Variants in EYS observed in about 807,000 individuals in gnomAD.
EYS encodes EGF-like photoreceptor maintenance factor.
EYS carries 250 observed loss-of-function variants against 282.1 expected under a neutral mutation model. The ratio of observed to expected loss-of-function variants is 0.89; its 90% CI spans 0.80 to 0.98. The LOEUF (loss-of-function observed/expected upper bound fraction) is 0.98, where lower values mean the gene tolerates loss of function less well. Ranked by LOEUF, EYS falls within the 50% of genes least tolerant of loss-of-function variation. EYS has a pLI of 0.00. For synonymous variants in EYS, 1,355 were observed against 1,282.9 expected (o/e 1.06, Z -1.20); for missense variants, 4,016 against 3,709.0 (o/e 1.08, Z -2.15).
At chr6:65,427,310 AAATT>A (rs1423587406) in intron 5 of EYS, among the ~76,000 whole-genome samples, 12 of 152,144 alleles carry the variant, frequency 7.9e-5, no homozygotes, top group East Asian at 5.8e-4. Context: ...ATCAAGTTGA[AAATT>A]AATTGAGATG....
chr6:64,054,696 A>G (rs571701285), intron 33 of EYS, among the ~76,000 whole-genome samples: 5 of 152,286 alleles, frequency 3.3e-5, no homozygotes, highest in African/African-American at 1.2e-4. Flanking sequence ...AATTAGTTAT[A>G]GTTGAATGAC....
chr6:64,261,904 G>A (rs1175004445), intron 30 of EYS, among the ~76,000 whole-genome samples: 1 of 151,678 alleles, frequency 6.6e-6, no homozygotes, highest in East Asian at 2.0e-4. Flanking sequence ...CTACAGGTGT[G>A]CACCACACGC....
chr6:64,943,573 A>C (rs925052138), intron 15 of EYS, among the ~76,000 whole-genome samples: 4 of 152,018 alleles, frequency 2.6e-5, no homozygotes, highest in Non-Finnish European at 5.9e-5. Context: ...ACAATATGAA[A>C]TCTCATTTAC....
chr6:64,582,032 C>A (rs190266707), intron 26 of EYS, among the ~76,000 whole-genome samples: 109 of 152,246 alleles, frequency 7.2e-4, no homozygotes, highest in African/African-American at 2.6e-3. Context: ...TTACCCATAT[C>A]GTTATATCAG....
intron 5 of EYS, among the ~76,000 whole-genome samples, chr6:65,452,025 T>C (rs1250276915): frequency 6.6e-6 from 1 of 151,756 alleles, no homozygotes; most frequent in African/African-American, 2.4e-5. Context: ...TTACTAATCT[T>C]AATTTTTAAT....
intron 22 of EYS, among the ~76,000 whole-genome samples, chr6:64,752,382 A>G (rs1056353459): frequency 2.0e-5 from 3 of 152,134 alleles, no homozygotes; most frequent in African/African-American, 7.2e-5. Context: ...AGCCTTAACA[A>G]CAGACTAGAC....
chr6:64,239,663 C>T (rs1766731050), intron 30 of EYS, among the ~76,000 whole-genome samples: 1 of 150,624 alleles, frequency 6.6e-6, no homozygotes, highest in Non-Finnish European at 1.5e-5. Flanking sequence ...AGCCCTTTGT[C>T]AGATGGATAG....
chr6:64,646,145 C>G (rs1768341402), intron 22 of EYS, among the ~76,000 whole-genome samples: 1 of 152,152 alleles, frequency 6.6e-6, no homozygotes, highest in Non-Finnish European at 1.5e-5. Flanking sequence ...GAGAAACCGG[C>G]AGGGGCTACA....
At chr6:65,468,414 C>G (rs951874855) in intron 5 of EYS, among the ~76,000 whole-genome samples, 1 of 152,050 alleles carries the variant, frequency 6.6e-6, no homozygotes, top group Non-Finnish European at 1.5e-5. Context: ...ATACTATGCA[C>G]AGTGAGGGAG....
chr6:64,486,416 G>A (rs1302141485), intron 26 of EYS, among the ~76,000 whole-genome samples: 2 of 151,204 alleles, frequency 1.3e-5, no homozygotes, highest in African/African-American at 2.4e-5. Context: ...AGAATTCAAG[G>A]GATTTTGAAT....
intron 15 of EYS, among the ~76,000 whole-genome samples, chr6:64,934,853 T>A (rs1429639550): frequency 6.6e-6 from 1 of 151,868 alleles, no homozygotes; most frequent in Non-Finnish European, 1.5e-5. Context: ...GTAACTATAT[T>A]AGTAAATATT....
At chr6:64,504,024 T>C (rs1314103518) in intron 26 of EYS, among the ~76,000 whole-genome samples, 1 of 152,172 alleles carries the variant, frequency 6.6e-6, no homozygotes, top group African/African-American at 2.4e-5. Context: ...GGGCTCCCAG[T>C]GATGCTTCTG....
intron 28 of EYS, among the ~76,000 whole-genome samples, chr6:64,395,773 T>TAA (rs1773346438): frequency 7.1e-6 from 1 of 140,360 alleles, no homozygotes; most frequent in Admixed American, 6.9e-5. Context: ...CCCTAAAACT[T>TAA]AAAGTATAAT....
chr6:65,688,612 G>T (rs1769118986), intron 1 of EYS, among the ~76,000 whole-genome samples: 1 of 151,658 alleles, frequency 6.6e-6, no homozygotes, highest in African/African-American at 2.4e-5. Context: ...GAAAATTTTT[G>T]CAAACTACTC....
intron 2 of EYS, among the ~76,000 whole-genome samples, chr6:65,612,871 G>GC (rs1766049650): frequency 6.6e-6 from 1 of 150,760 alleles, no homozygotes; most frequent in African/African-American, 2.4e-5. Flanking sequence ...TAAGTATTTT[G>GC]TTTTTTTTAC....
intron 35 of EYS, among the ~76,000 whole-genome samples, chr6:63,934,984 C>T (rs1481123092): frequency 6.6e-6 from 1 of 152,074 alleles, no homozygotes; most frequent in African/African-American, 2.4e-5. Context: ...AAACACAGCC[C>T]CGCACCTCCT....
At chr6:63,965,160 C>G (rs1766245450) in intron 35 of EYS, among the ~76,000 whole-genome samples, 1 of 152,070 alleles carries the variant, frequency 6.6e-6, no homozygotes, top group Non-Finnish European at 1.5e-5. Flanking sequence ...CTCAAAAGGG[C>G]CTTTCTATTT....
chr6:64,352,877 T>C (rs1771689990), intron 29 of EYS, among the ~76,000 whole-genome samples: 1 of 151,554 alleles, frequency 6.6e-6, no homozygotes, highest in Non-Finnish European at 1.5e-5. Context: ...CTTCCAAAAT[T>C]GTTAATTTCA....
chr6:65,008,639 C>T (rs1278194821), intron 13 of EYS, among the ~76,000 whole-genome samples: 3 of 152,148 alleles, frequency 2.0e-5, no homozygotes, highest in African/African-American at 7.2e-5. Context: ...TTGTCCATAC[C>T]CCTTATGTCA....
Sources: gnomAD v4.1 joint callset for allele counts (sites outside exome capture counted in the v4.1 genomes callset) on GRCh38, gnomAD v4.1.1 for gene constraint, MANE v1.5 for transcripts, NCBI Gene and HGNC (gene_info 2026-07-23, HGNC 2026-07-21) for gene names.